Variants in CHODL observed in about 807,000 individuals in gnomAD.
CHODL encodes the protein transmembrane protein MT75.
A neutral mutation model predicts 34.5 loss-of-function variants in CHODL; 29 were observed. That is an observed-to-expected ratio of 0.84 (90% CI 0.63 to 1.15). The LOEUF (loss-of-function observed/expected upper bound fraction) is 1.15. Among genes scored for constraint, CHODL ranks in the 50% most tolerant of loss-of-function variants. CHODL has a pLI of 0.00. For missense variants in CHODL, 332 were observed against 332.5 expected, an observed-to-expected ratio of 1.00 and a Z score of 0.01; for synonymous variants, 125 against 116.1, an observed-to-expected ratio of 1.08 and a Z score of -0.49.
chr21:17,946,388 C>G (rs968193483), intron 1 of CHODL, among the ~76,000 whole-genome samples: 1 of 152,144 alleles, frequency 6.6e-6, no homozygotes, highest in Non-Finnish European at 1.5e-5. Context: ...CCACTGCACT[C>G]CAGCCTGGGC....
intron 1 of CHODL, among the ~76,000 whole-genome samples, chr21:17,941,575 A>G (rs892401373): frequency 6.6e-6 from 1 of 152,016 alleles, no homozygotes; most frequent in Non-Finnish European, 1.5e-5. Context: ...AAACAGAGGG[A>G]TAATGTTCTT....
chr21:17,982,680 T>C lies in CHODL; in HGVS notation c.-144-45192T>C, dbSNP rs191102353. ...ACAGATAAAGCATGCACTATAAAAA[T>C]CCCCTTATATATATTCTTTTTTTTT... On this transcript the variant is annotated intron_variant, in intron 1 of 6. Transcript: ENST00000400127. Among the ~76,000 whole-genome samples the C allele has an allele frequency of 2.7e-3, 393 of 145,364 alleles. 11 individuals are homozygous for C. In the East Asian group the frequency reaches 0.06, roughly 22 times the overall value.
intron 2 of CHODL, among the ~76,000 whole-genome samples, chr21:18,185,174 GC>G (rs2073426393): frequency 1.3e-5 from 2 of 151,868 alleles, no homozygotes; most frequent in Non-Finnish European, 2.9e-5. Context: ...CCCTCCCCTA[GC>G]CCCCTACCCC....
intron 2 of CHODL, among the ~76,000 whole-genome samples, chr21:18,135,531 T>G (rs1050365061): frequency 1.3e-5 from 2 of 152,158 alleles, no homozygotes; most frequent in African/African-American, 4.8e-5. Context: ...GTCCACTGTC[T>G]CCCACTCCTT....
intron 2 of CHODL, among the ~76,000 whole-genome samples, chr21:18,091,568 C>T (rs1461725963): frequency 3.9e-5 from 6 of 152,152 alleles, no homozygotes; most frequent in Non-Finnish European, 5.9e-5. Flanking sequence ...ATGAGCCCCC[C>T]TCTCCAAACC....
At chr21:18,232,714 G>C (rs1274552436) in intron 2 of CHODL, among the ~76,000 whole-genome samples, 2 of 151,802 alleles carry the variant, frequency 1.3e-5, no homozygotes, top group Admixed American at 1.3e-4. Flanking sequence ...TTTAGTCTTG[G>C]TGATATTTGG....
intron 2 of CHODL, among the ~76,000 whole-genome samples, chr21:18,156,348 T>G (rs2073034644): frequency 6.6e-6 from 1 of 152,198 alleles, no homozygotes; most frequent in African/African-American, 2.4e-5. Flanking sequence ...TTTTGTTGGC[T>G]GTTGACTTTT....
intron 1 of CHODL, among the ~76,000 whole-genome samples, chr21:17,976,199 A>G (rs1307431015): frequency 1.5e-5 from 2 of 131,296 alleles, no homozygotes; most frequent in Non-Finnish European, 3.1e-5. Flanking sequence ...TGAGCCCAGG[A>G]GGCGGATATT....
At chr21:18,262,539 C>G (rs2074394799) in intron 4 of CHODL, among the ~76,000 whole-genome samples, 1 of 152,064 alleles carries the variant, frequency 6.6e-6, no homozygotes, top group African/African-American at 2.4e-5. Flanking sequence ...GATGGTATAC[C>G]TATGTAGGGC....
chr21:18,227,631 C>A (rs1393282668), intron 2 of CHODL, among the ~76,000 whole-genome samples: 1 of 152,080 alleles, frequency 6.6e-6, no homozygotes, highest in Non-Finnish European at 1.5e-5. Context: ...TATGCAATGA[C>A]ATGGGAGGAC....
At chr21:18,198,418 CA>C (rs1030766892) in intron 2 of CHODL, among the ~76,000 whole-genome samples, 1 of 152,002 alleles carries the variant, frequency 6.6e-6, no homozygotes, top group Non-Finnish European at 1.5e-5. Flanking sequence ...TATTGTAAAA[CA>C]GTGATTTTTT....
intron 1 of CHODL, among the ~76,000 whole-genome samples, chr21:17,932,305 G>A (rs547636161): frequency 8.3e-4 from 126 of 152,222 alleles, no homozygotes; most frequent in Middle Eastern, 3.4e-3. Flanking sequence ...CTGAAAAACA[G>A]CAGATGTTTG....
At chr21:18,162,587 A>G (rs375312311) in intron 2 of CHODL, among the ~76,000 whole-genome samples, 32 of 152,128 alleles carry the variant, frequency 2.1e-4, no homozygotes, top group African/African-American at 6.7e-4. Flanking sequence ...ATCTGCAATG[A>G]CCCTATTTCC....
chr21:17,931,956 G>T (rs991477982), intron 1 of CHODL, among the ~76,000 whole-genome samples: 9 of 152,150 alleles, frequency 5.9e-5, no homozygotes, highest in African/African-American at 2.2e-4. Flanking sequence ...AGACAAATGG[G>T]ACTTAATTAA....
intron 2 of CHODL, among the ~76,000 whole-genome samples, chr21:18,121,539 C>T (rs1406463067): frequency 6.6e-6 from 1 of 152,120 alleles, no homozygotes; most frequent in Non-Finnish European, 1.5e-5. Context: ...TTCAAATCTC[C>T]TCACTCATCT....
At chr21:18,168,071 C>A (rs1214018426) in intron 2 of CHODL, among the ~76,000 whole-genome samples, 1 of 152,158 alleles carries the variant, frequency 6.6e-6, no homozygotes, top group African/African-American at 2.4e-5. Flanking sequence ...ATATCGGACT[C>A]CAAGTTCTTC....
intron 2 of CHODL, among the ~76,000 whole-genome samples, chr21:18,159,364 TTTG>T (rs2073070451): frequency 6.6e-6 from 1 of 152,200 alleles, no homozygotes; most frequent in African/African-American, 2.4e-5. Flanking sequence ...TGGGAACTAT[TTTG>T]TTCCCCTCCA....
chr21:17,943,424 A>G (rs1051184066), intron 1 of CHODL, among the ~76,000 whole-genome samples: 3 of 152,160 alleles, frequency 2.0e-5, no homozygotes, highest in African/African-American at 7.2e-5. Context: ...CTTTTAATAT[A>G]TATCTTCTGG....
At chr21:18,146,427 C>T (rs1286671512) in intron 2 of CHODL, among the ~76,000 whole-genome samples, 2 of 152,058 alleles carry the variant, frequency 1.3e-5, no homozygotes, top group East Asian at 1.9e-4. Flanking sequence ...GTGATTGGGT[C>T]ATGGAGGTGG....
Sources: gnomAD v4.1 joint callset for allele counts (sites outside exome capture counted in the v4.1 genomes callset) on GRCh38, gnomAD v4.1.1 for gene constraint, MANE v1.5 for transcripts, NCBI Gene and HGNC (gene_info 2026-07-23, HGNC 2026-07-21) for gene names.